NEDD4L: variants seen among roughly 807,000 people sequenced by gnomAD.
NEDD4L encodes the protein NEDD4 like E3 ubiquitin protein ligase.
In NEDD4L, 54 loss-of-function variants were observed where a neutral mutation model predicts 148.9. That is an observed-to-expected ratio of 0.36 (90% confidence interval 0.29 to 0.45). NEDD4L has a LOEUF of 0.45. NEDD4L is among the 20% of genes least tolerant of loss of function. The probability of loss-of-function intolerance (pLI) is 1.00; values close to 1 mark genes in which losing one functional copy is unlikely to be tolerated. For missense variants in NEDD4L, 856 were observed against 1,233.8 expected (o/e 0.69, Z 4.59); for synonymous variants, 433 against 440.7 (o/e 0.98, Z 0.22).
chr18:58,141,168 C>T (rs185662584), intron 1 of NEDD4L, among the ~76,000 whole-genome samples: 2 of 152,320 alleles, frequency 1.3e-5, no homozygotes, highest in East Asian at 3.9e-4. Context: ...TCGTGTTAAC[C>T]ATCAGCAGGG....
Position 58,396,284 on chromosome 18 carries a change from G to T in NEDD4L, c.*15G>T, listed in dbSNP as rs369059708. 1.3e-6 allele frequency: 2 copies of T among 1,559,352 alleles called. No homozygotes were observed. The highest frequency in any genetic ancestry group is 1.8e-6 in the Non-Finnish European group (2 of 1,133,518). ...GGGTGGATTAAGCACCCTGTGCCTC[G>T]GGGGTGGTTGTTCTTCAAGCAAGTT... On this transcript the variant is annotated 3_prime_UTR_variant, in exon 31 of 31. Transcript: ENST00000400345.
chr18:58,146,684 G>C (rs1270057430), intron 1 of NEDD4L, among the ~76,000 whole-genome samples: 2 of 152,180 alleles, frequency 1.3e-5, no homozygotes, highest in Non-Finnish European at 1.5e-5. Context: ...GAAGAATGAA[G>C]ACTTGGTGCA....
At chr18:58,063,949 CTTT>C (rs58608106) in intron 1 of NEDD4L, among the ~76,000 whole-genome samples, 1 of 129,830 alleles carries the variant, frequency 7.7e-6, no homozygotes, top group Non-Finnish European at 1.6e-5. Flanking sequence ...TATAATGTTT[CTTT>C]TTTTTTTTTT....
intron 2 of NEDD4L, among the ~76,000 whole-genome samples, chr18:58,224,182 C>T (rs2044095024): frequency 6.6e-6 from 1 of 152,246 alleles, no homozygotes; most frequent in Non-Finnish European, 1.5e-5. Context: ...CTCATCTGGC[C>T]TGCAGCAGGC....
At chr18:58,063,789 T>C (rs949746069) in intron 1 of NEDD4L, among the ~76,000 whole-genome samples, 19 of 151,356 alleles carry the variant, frequency 1.3e-4, no homozygotes, top group Non-Finnish European at 2.2e-4. Context: ...CTCCTGACCT[T>C]GTGATCCACC....
At chr18:58,228,481 C>T (rs542728781) in intron 2 of NEDD4L, among the ~76,000 whole-genome samples, 3 of 152,294 alleles carry the variant, frequency 2.0e-5, no homozygotes, top group East Asian at 1.9e-4. Context: ...CTGGGCAGAC[C>T]GTGTATGCCA....
chr18:58,057,981 C>G (rs1426574547), intron 1 of NEDD4L, among the ~76,000 whole-genome samples: 3 of 152,224 alleles, frequency 2.0e-5, no homozygotes, highest in Non-Finnish European at 4.4e-5. Context: ...TCCCTTCACT[C>G]AGCCATTCCA....
intron 5 of NEDD4L, among the ~76,000 whole-genome samples, chr18:58,295,581 G>C (rs1289699917): frequency 6.6e-6 from 1 of 152,148 alleles, no homozygotes; most frequent in East Asian, 1.9e-4. Flanking sequence ...TTAAAAAATA[G>C]TTTAAATGAC....
Position 58,174,521 on chromosome 18 carries a change from T to C in NEDD4L, c.122+8660T>C, listed in dbSNP as rs187398278. 1.5e-4 allele frequency among the ~76,000 whole-genome samples: 23 copies of C among 152,254 alleles called. 1 individual carries two copies. In the East Asian group the frequency reaches 4.3e-3, roughly 28 times the overall value. ...CAATAGTCCCTCCCCTTCAATGACTTGTAGGAAGGTTGTTTCGCTTACCAC... is the reference window on the plus strand; with the variant it reads ...CAATAGTCCCTCCCCTTCAATGACTCGTAGGAAGGTTGTTTCGCTTACCAC... On this transcript the variant is annotated intron_variant, in intron 2 of 30. Transcript: ENST00000400345.
chr18:58,282,530 AT>A (rs2053293708), intron 5 of NEDD4L, among the ~76,000 whole-genome samples: 1 of 152,256 alleles, frequency 6.6e-6, no homozygotes, highest in East Asian at 1.9e-4. Flanking sequence ...AAAAGTAGAC[AT>A]CCACTGAATG....
At chr18:58,291,875 C>G (rs2054811103) in intron 5 of NEDD4L, among the ~76,000 whole-genome samples, 2 of 152,150 alleles carry the variant, frequency 1.3e-5, no homozygotes, top group Admixed American at 6.5e-5. Context: ...CTCCCTCCAG[C>G]CTTCCAGCCA....
Position 58,213,282 on chromosome 18 carries a change from G to A in NEDD4L, c.123-32145G>A, listed in dbSNP as rs563107928. On this transcript the variant is annotated intron_variant, in intron 2 of 30. Transcript: ENST00000400345. The stretch of plus-strand genomic sequence containing the variant: ...AATGTGTGCAAAGTCATATGTATAA[G>A]GATATTTATTGTACCATTATAGTGG... Among the ~76,000 whole-genome samples, 3 of 152,252 alleles carry A rather than the reference G, an allele frequency of 2.0e-5. No homozygotes were observed. In the South Asian group the frequency reaches 6.2e-4, roughly 32 times the overall value.
chr18:58,257,696 A>G (rs1288766087), intron 5 of NEDD4L, among the ~76,000 whole-genome samples: 1 of 152,138 alleles, frequency 6.6e-6, no homozygotes, highest in Admixed American at 6.5e-5. Flanking sequence ...AGACAGCTGC[A>G]CGCTCCATCG....
At position 58,079,904 on chromosome 18, in the gene NEDD4L, G is replaced by A. The variant is rs182785031; in HGVS notation, c.48+35196G>A. Among the ~76,000 whole-genome samples, 641 of 152,252 alleles carry A rather than the reference G, an allele frequency of 4.2e-3. 6 individuals carry two copies. Among genetic ancestry groups the A allele is most frequent in the African/African-American group, 0.014 (599 of 41,522 alleles). ...TCAGTGCTCATGCAGAATTCTCTTTGTTTTAATAATAATACAAATAATAAC... is the reference window on the plus strand; with the variant it reads ...TCAGTGCTCATGCAGAATTCTCTTTATTTTAATAATAATACAAATAATAAC... On this transcript the variant is annotated intron_variant, in intron 1 of 30. Coordinates refer to ENST00000400345, the MANE Select transcript of NEDD4L (RefSeq NM_001144967.3).
chr18:58,050,755 AAAAAT>A (rs1353702662), intron 1 of NEDD4L, among the ~76,000 whole-genome samples: 17 of 151,982 alleles, frequency 1.1e-4, no homozygotes, highest in Non-Finnish European at 2.4e-4. Flanking sequence ...GAGCAAAACT[AAAAAT>A]AAAAAATAAA....
chr18:58,250,474 C>T (rs774283926), intron 4 of NEDD4L, among the ~76,000 whole-genome samples: 9 of 152,094 alleles, frequency 5.9e-5, no homozygotes, highest in Non-Finnish European at 1.0e-4. Context: ...TTATTGAGTG[C>T]CTATTATGTG....
In NEDD4L at chr18:58,109,132, C is replaced by CGT. The variant is rs548201375; in HGVS notation, c.49-56656_49-56655insGT. ...GCATTCAACAATTGAAGTCTGAGAA[C>CGT]CAGCCGTGATTAGGTGCTCCAAATT... On this transcript the variant is annotated intron_variant, in intron 1 of 30. Transcript: ENST00000400345. Among the ~76,000 whole-genome samples the CGT allele has an allele frequency of 7.5e-3, 1,137 of 152,318 alleles. 11 individuals carry two copies. The highest frequency in any genetic ancestry group is 0.017 in the Middle Eastern group (5 of 294).
intron 1 of NEDD4L, among the ~76,000 whole-genome samples, chr18:58,145,459 G>A (rs2033998890): frequency 6.6e-6 from 1 of 152,110 alleles, no homozygotes; most frequent in South Asian, 2.1e-4. Context: ...TTCTGGAGTA[G>A]GCAACGTTTT....
chr18:58,314,086 A>G (rs8099743), intron 5 of NEDD4L, among the ~76,000 whole-genome samples: 14,583 of 152,196 alleles, frequency 0.096, 762 homozygotes, highest in Middle Eastern at 0.15. Flanking sequence ...TTTTTTTTAT[A>G]GTACAGTTAA....
Sources: allele counts gnomAD v4.1 joint callset (sites outside exome capture counted in the v4.1 genomes callset), GRCh38; gene constraint gnomAD v4.1.1; transcripts MANE v1.5; gene names NCBI Gene and HGNC (gene_info 2026-07-23, HGNC 2026-07-21).